NIPSNAP3B: variants seen among roughly 807,000 people sequenced by gnomAD.
The protein encoded by NIPSNAP3B is nipsnap homolog 3B, also known as protein NipSnap homolog 3B.
Under a neutral mutation model 31.5 loss-of-function variants are expected in NIPSNAP3B, and 30 were observed. The ratio of observed to expected loss-of-function variants is 0.95; its 90% CI spans 0.71 to 1.29. The LOEUF is 1.29. Among genes scored for constraint, NIPSNAP3B ranks in the 50% most tolerant of loss-of-function variants. The pLI, the probability that NIPSNAP3B is intolerant of heterozygous loss-of-function variation, is 0.00. For missense variants in NIPSNAP3B, 269 were observed against 300.7 expected, an observed-to-expected ratio of 0.89 and a Z score of 0.78; for synonymous variants, 106 against 107.9, an observed-to-expected ratio of 0.98 and a Z score of 0.11.
chr9:104,765,106 G>A (rs1309985903), intron 1 of NIPSNAP3B, among the ~76,000 whole-genome samples: 1 of 152,132 alleles, frequency 6.6e-6, no homozygotes, highest in Non-Finnish European at 1.5e-5. Flanking sequence ...ATAGTTGCAG[G>A]TATTTTTTGG....
the NIPSNAP3B span, among the ~76,000 whole-genome samples, chr9:104,784,649 T>A: frequency 6.6e-6 from 1 of 152,146 alleles, no homozygotes; most frequent in South Asian, 2.1e-4. Context: ...AAAATAGACT[T>A]TTTTTCCCCC....
chr9:104,778,220 G>A (rs1357502314), downstream of NIPSNAP3B, among the ~76,000 whole-genome samples: 3 of 151,950 alleles, frequency 2.0e-5, no homozygotes, highest in South Asian at 2.1e-4. Context: ...AAATATATAC[G>A]TACCAATAAC....
chr9:104,784,471 G>A, the NIPSNAP3B span: 12 of 1,613,960 alleles, frequency 7.4e-6, no homozygotes, highest in Non-Finnish European at 1.0e-5. Context: ...AAAAGATTAA[G>A]ATGGACCTTT....
Position 104,764,302 on chromosome 9 carries a change from T to C in NIPSNAP3B, c.60+2T>C, listed in dbSNP as rs1456366748. ...GCCTCACGGACGCTCGCGCCTCAGGTACTGGCCGCGGGGGCGCGCCCGAGC... is the reference window on the plus strand; with the variant it reads ...GCCTCACGGACGCTCGCGCCTCAGGCACTGGCCGCGGGGGCGCGCCCGAGC... On this transcript the variant is annotated splice_donor_variant, in intron 1 of 5. Transcript: ENST00000374762. LOFTEE classifies it high-confidence loss of function. 1.9e-6 allele frequency: 3 copies of C among 1,581,120 alleles called. No individual in the cohort carries two copies. The highest frequency in any genetic ancestry group is 1.7e-6 in the Non-Finnish European group (2 of 1,166,076).
chr9:104,776,896 G>A lies in NIPSNAP3B; in HGVS notation c.*3823G>A, dbSNP rs1828348947. 6.6e-6 allele frequency among the ~76,000 whole-genome samples: 1 copy of A among 151,980 alleles called. No homozygotes were observed. Among genetic ancestry groups the A allele is most frequent in the Non-Finnish European group, 1.5e-5 (1 of 67,938 alleles). ...TATGAGATCTGTGAGTCTGAAAAAA[G>A]AAGTACATCATTCCTTCACATGTCA... On this transcript the variant is annotated 3_prime_UTR_variant, in exon 6 of 6. Coordinates refer to ENST00000374762, the MANE Select transcript of NIPSNAP3B (RefSeq NM_018376.4).
At chr9:104,781,665 C>T (rs1455381326), downstream of NIPSNAP3B, 1 of 152,554 alleles carries the variant, frequency 6.6e-6, no homozygotes, top group Non-Finnish European at 1.5e-5. Context: ...ATGAATTGTG[C>T]TGGGCATTTA....
the NIPSNAP3B span, among the ~76,000 whole-genome samples, chr9:104,790,459 C>T: frequency 6.6e-6 from 1 of 151,892 alleles, no homozygotes. Flanking sequence ...GAAATGTAAC[C>T]CACTGGGAAA....
intron 3 of NIPSNAP3B, among the ~76,000 whole-genome samples, chr9:104,769,453 C>CAA (rs34083177): frequency 0.021 from 2,270 of 109,382 alleles, 141 homozygotes; most frequent in African/African-American, 0.073. Flanking sequence ...GACTCCGTCT[C>CAA]AAAAAAAAAA....
At chr9:104,766,671 A>C (rs1431501098) in intron 2 of NIPSNAP3B, 136 bp downstream of exon 2, 1 of 822,232 alleles carries the variant, frequency 1.2e-6, no homozygotes, top group African/African-American at 1.7e-5. Context: ...ATACCAAAAA[A>C]ATAAATTTAG....
chr9:104,768,379 C>T (rs1187853550), intron 2 of NIPSNAP3B, among the ~76,000 whole-genome samples: 1 of 152,152 alleles, frequency 6.6e-6, no homozygotes, highest in Admixed American at 6.5e-5. Flanking sequence ...CCTAATCACC[C>T]ACCACCAAGG....
rs955154881 is a variant in NIPSNAP3B, at chr9:104,775,005, A to G, written c.*1932A>G. On this transcript the variant is annotated 3_prime_UTR_variant, in exon 6 of 6. Coordinates refer to ENST00000374762, the MANE Select transcript of NIPSNAP3B (RefSeq NM_018376.4). ...GCCCGCTTTCTACAGCCAACCCCACATGCCCTGCCTTCTCTCCTTTCACTG... is the reference window on the plus strand; with the variant it reads ...GCCCGCTTTCTACAGCCAACCCCACGTGCCCTGCCTTCTCTCCTTTCACTG... Among the ~76,000 whole-genome samples the G allele has an allele frequency of 6.6e-5, 10 of 151,874 alleles. No homozygotes were observed. The highest frequency in any genetic ancestry group is 2.2e-4 in the African/African-American group (9 of 41,364).
chr9:104,789,989 A>G, the NIPSNAP3B span, among the ~76,000 whole-genome samples: 4 of 151,934 alleles, frequency 2.6e-5, no homozygotes, highest in Non-Finnish European at 5.9e-5. Context: ...TCAGCTACTC[A>G]GGAGGCTGAG....
intron 2 of NIPSNAP3B, among the ~76,000 whole-genome samples, chr9:104,767,128 C>T (rs1828105994): frequency 6.6e-6 from 1 of 151,890 alleles, no homozygotes; most frequent in Non-Finnish European, 1.5e-5. Flanking sequence ...AGAAATAATT[C>T]ACCCATTTGG....
downstream of NIPSNAP3B, among the ~76,000 whole-genome samples, chr9:104,780,667 CT>C (rs760480112): frequency 2.6e-5 from 4 of 152,192 alleles, no homozygotes; most frequent in Non-Finnish European, 4.4e-5. Flanking sequence ...TGAAGGCTGC[CT>C]TTGTAGCTTC....
chr9:104,766,212 A>T, intron 1 of NIPSNAP3B, 113 bp from the exon 2 acceptor site: 1 of 767,164 alleles, frequency 1.3e-6, no homozygotes, highest in Non-Finnish European at 2.2e-6. Context: ...CAACAAAAGT[A>T]AACAATGGAT....
chr9:104,767,587 C>T (rs1255161624), intron 2 of NIPSNAP3B, among the ~76,000 whole-genome samples: 2 of 151,904 alleles, frequency 1.3e-5, no homozygotes, highest in African/African-American at 2.4e-5. Flanking sequence ...TAAAACAGAC[C>T]CTATTAAAAC....
intron 2 of NIPSNAP3B, among the ~76,000 whole-genome samples, chr9:104,768,382 C>T (rs1259069213): frequency 6.6e-6 from 1 of 152,160 alleles, no homozygotes; most frequent in Non-Finnish European, 1.5e-5. Context: ...AATCACCCAC[C>T]ACCAAGGAAA....
chr9:104,780,731 G>A (rs959242279), downstream of NIPSNAP3B, among the ~76,000 whole-genome samples: 1 of 152,176 alleles, frequency 6.6e-6, no homozygotes, highest in African/African-American at 2.4e-5. Flanking sequence ...AGCATTTTCA[G>A]AAATCTCAGT....
Position 104,764,276 on chromosome 9 carries a change from T to TGCCTCACGGACGCTC in NIPSNAP3B, c.39_53dup (p.Ser14_Ala18dup). The TGCCTCACGGACGCTC allele has an allele frequency of 6.3e-7, 1 of 1,596,224 alleles. No homozygotes were observed. On this transcript the variant is annotated inframe_insertion, in exon 1 of 6. Transcript: ENST00000374762. ...TCAGAAGCGGCCTGACCAAGGCGCT[T>TGCCTCACGGACGCTC]GCCTCACGGACGCTCGCGCCTCAGG...
Sources: allele counts gnomAD v4.1 joint callset (sites outside exome capture counted in the v4.1 genomes callset), GRCh38; gene constraint gnomAD v4.1.1; transcripts MANE v1.5; gene names NCBI Gene and HGNC (gene_info 2026-07-23, HGNC 2026-07-21).